MAPKBP1: variants seen among roughly 807,000 people sequenced by gnomAD.
MAPKBP1 encodes the protein mitogen-activated protein kinase binding protein 1.
In MAPKBP1, 71 loss-of-function variants were observed where a neutral mutation model predicts 170.5. The ratio of observed to expected loss-of-function variants is 0.42; its 90% CI spans 0.34 to 0.51. The LOEUF (loss-of-function observed/expected upper bound fraction) is 0.51, where lower values mean the gene tolerates loss of function less well. Ranked by LOEUF, MAPKBP1 falls within the 20% of genes least tolerant of loss-of-function variation. The pLI, the probability that MAPKBP1 is intolerant of heterozygous loss-of-function variation, is 0.06. For synonymous variants in MAPKBP1, 719 were observed against 757.9 expected (o/e 0.95, Z 0.84); for missense variants, 1,598 against 1,933.0 (o/e 0.83, Z 3.25).
chr15:41,779,934 T>A (rs2064156798), intron 2 of MAPKBP1, among the ~76,000 whole-genome samples: 3 of 152,220 alleles, frequency 2.0e-5, no homozygotes, highest in Admixed American at 1.3e-4. Context: ...CCTAGTTTTG[T>A]TTCTTTGATC....
At chr15:41,797,139 C>G (rs1243507074) in intron 2 of MAPKBP1, among the ~76,000 whole-genome samples, 3 of 152,122 alleles carry the variant, frequency 2.0e-5, no homozygotes, top group Admixed American at 2.0e-4. Context: ...AGAATTAATT[C>G]TCTTTGGAAT....
chr15:41,814,486 T>A lies in MAPKBP1; in HGVS notation c.981-64T>A. The stretch of plus-strand genomic sequence containing the variant: ...GCTCCTCACACACTGCTCCTTCCAT[T>A]GTGGATTGGCTTCTCTTTTCATTCC... On this transcript the variant is annotated intron_variant, in intron 9 of 30. Transcript: ENST00000457542. 7 of 1,514,162 alleles carry A rather than the reference T, an allele frequency of 4.6e-6. No individual in the cohort carries two copies. In the Admixed American group the frequency reaches 5.5e-5, roughly 12 times the overall value. The allele number at this position is 1,514,162 out of a possible 1,614,324, so 93.8% of individuals were successfully genotyped here.
In MAPKBP1 at chr15:41,774,564, A is replaced by C. The variant is rs2064062346; in HGVS notation, c.-156A>C. 2 of 398,688 alleles carry C rather than the reference A, an allele frequency of 5.0e-6. No homozygotes were observed. The highest frequency in any genetic ancestry group is 8.8e-6 in the Non-Finnish European group (2 of 226,108). 24.7% of individuals were successfully genotyped at this position (398,688 alleles called of 1,614,324 possible). Reference sequence around the variant, plus strand: ...GGCGGAGCTGAAATTGCCGAACGCGATGCCCGAGGGCGCTGTGAGCGGGGT... The same window carrying C: ...GGCGGAGCTGAAATTGCCGAACGCGCTGCCCGAGGGCGCTGTGAGCGGGGT... On this transcript the variant is annotated 5_prime_UTR_variant, in exon 1 of 31. An upstream start codon of the reference 5' UTR is lost. Coordinates refer to ENST00000457542, the MANE Select transcript of MAPKBP1 (RefSeq NM_014994.3).
rs753834647 is a variant in MAPKBP1 at position 41,819,238 on chromosome 15, G to A, written c.2292-8G>A. On this transcript the variant is annotated splice_region_variant and splice_polypyrimidine_tract_variant and intron_variant, in intron 20 of 30. Coordinates refer to ENST00000457542, the MANE Select transcript of MAPKBP1 (RefSeq NM_014994.3). ...CTCTCCCCATGCCCTTCCTTGTCTC[G>A]GACTCAGGCACCAGGCCCCATCAAT... 3.7e-6 allele frequency: 6 copies of A among 1,612,630 alleles called. No individual in the cohort carries two copies. Among genetic ancestry groups the A allele is most frequent in the South Asian group, 3.3e-5 (3 of 91,022 alleles).
intron 27 of MAPKBP1, 121 bp from the exon 28 acceptor site, chr15:41,822,818 A>C: frequency 6.8e-7 from 1 of 1,472,318 alleles, no homozygotes; most frequent in African/African-American, 1.4e-5. Flanking sequence ...GCCTTTCCCC[A>C]GCCCTATCTG....
intron 5 of MAPKBP1, 83 bp downstream of exon 5, chr15:41,811,318 G>C: frequency 6.7e-7 from 1 of 1,495,874 alleles, no homozygotes; most frequent in Non-Finnish European, 9.3e-7. Context: ...TAGGCCTGCT[G>C]TCACTTTGGC....
intron 2 of MAPKBP1, among the ~76,000 whole-genome samples, chr15:41,778,759 A>G (rs181519335): frequency 5.8e-4 from 89 of 152,268 alleles, no homozygotes; most frequent in African/African-American, 2.1e-3. Flanking sequence ...TTTCTGAAAG[A>G]TTTTTATGTG....
intron 2 of MAPKBP1, among the ~76,000 whole-genome samples, chr15:41,796,937 G>T (rs558318944): frequency 7.9e-5 from 12 of 152,256 alleles, no homozygotes; most frequent in Admixed American, 3.3e-4. Flanking sequence ...ATAGAAAATA[G>T]AGTATATTGT....
chr15:41,814,684 A>G lies in MAPKBP1; in HGVS notation c.1115A>G (p.Lys372Arg). ...GTTTGGGATGTGAGGGACCCCAAGA[A>G]AGTGGGCAAGGTGTACTCGGCTCTG... ...IYVWDVRDPK[K>R]VGKVYSALYH... Residue 372 changes from lysine to arginine, a missense_variant, in exon 10 of 31, where the codon AAA becomes AGA. Coordinates refer to ENST00000457542, the MANE Select transcript of MAPKBP1 (RefSeq NM_014994.3). 6.2e-7 allele frequency: 1 copy of G among 1,614,218 alleles called. No individual in the cohort carries two copies. Among genetic ancestry groups the G allele is most frequent in the South Asian group, 1.1e-5 (1 of 91,086 alleles).
At chr15:41,815,520 G>A (rs2064875405) in intron 11 of MAPKBP1, 104 bp from the exon 12 acceptor site, 1 of 1,552,398 alleles carries the variant, frequency 6.4e-7, no homozygotes, top group South Asian at 1.2e-5. Context: ...CCTTCATTTG[G>A]CTGTGCTCTG....
chr15:41,788,939 T>C (rs1392026898), intron 2 of MAPKBP1, among the ~76,000 whole-genome samples: 4 of 152,152 alleles, frequency 2.6e-5, no homozygotes, highest in Non-Finnish European at 5.9e-5. Context: ...TCCAGGAATG[T>C]GTTGAAGGCC....
Position 41,818,246 on chromosome 15 carries a change from ATC to A in MAPKBP1, c.2038_2039del (p.Ser680HisfsTer3), listed in dbSNP as rs953040239. The A allele has an allele frequency of 1.2e-6, 2 of 1,613,878 alleles. No individual in the cohort carries two copies. Among genetic ancestry groups the A allele is most frequent in the Admixed American group, 1.7e-5 (1 of 60,000 alleles). On this transcript the variant is annotated frameshift_variant, in exon 18 of 31. Transcript: ENST00000457542. LOFTEE classifies it high-confidence loss of function. The surrounding 1 kb of genome is among the most constrained non-coding windows in gnomAD (Gnocchi z 5.2). ...ATTGCCACCAGCTGTTCTGACAAGAATCTCTCCATTTTTGACTTCTCCTCAGG... is the reference window on the plus strand; with the variant it reads ...ATTGCCACCAGCTGTTCTGACAAGAATCTCCATTTTTGACTTCTCCTCAGG...
In MAPKBP1 at chr15:41,813,631, C is replaced by T; in HGVS notation, c.830C>T (p.Ala277Val). ...DKWVELRTTV[A>V]HCISVSQDYI... ...CCACTCTGCCCACAGACCACAGTGG[C>T]CCACTGCATCTCTGTGAGCCAAGAC... Residue 277 changes from alanine (A) to valine (V), a missense_variant, in exon 9 of 31, where the codon GCC becomes GTC. By Grantham distance (64) the Ala-to-Val change is moderately conservative (BLOSUM62 0). Coordinates refer to ENST00000457542, the MANE Select transcript of MAPKBP1 (RefSeq NM_014994.3). 1 of 1,613,908 alleles carries T rather than the reference C, an allele frequency of 6.2e-7. No individual in the cohort carries two copies. The highest frequency in any genetic ancestry group is 8.5e-7 in the Non-Finnish European group (1 of 1,179,920).
intron 1 of MAPKBP1, 44 bp downstream of exon 1, chr15:41,774,654 C>G (rs1035933772): frequency 2.5e-6 from 1 of 398,726 alleles, no homozygotes; most frequent in Non-Finnish European, 4.4e-6. Flanking sequence ...TAGCAGGGGC[C>G]TCAGAGGCGG....
intron 2 of MAPKBP1, among the ~76,000 whole-genome samples, chr15:41,793,360 G>A (rs925500959): frequency 6.6e-5 from 10 of 152,128 alleles, no homozygotes; most frequent in Admixed American, 3.9e-4. Context: ...GGTGGCATGT[G>A]CCTGTAGTAC....
rs991669586 is a variant in MAPKBP1, at chr15:41,817,821, G to A, written c.1904+86G>A. The stretch of plus-strand genomic sequence containing the variant: ...GTGCAGCTAAGTTCCCACATCTGTC[G>A]TTCTGTACAGGACTTTGTACCCCCT... On this transcript the variant is annotated intron_variant, in intron 16 of 30. Coordinates refer to ENST00000457542, the MANE Select transcript of MAPKBP1 (RefSeq NM_014994.3). This position sits in a 1 kb window ranked among gnomAD's most constrained non-coding sequence, Gnocchi z 4.2. 2.1e-5 allele frequency: 34 copies of A among 1,587,074 alleles called. No homozygotes were observed. The highest frequency in any genetic ancestry group is 6.8e-5 in the East Asian group (3 of 44,190).
At chr15:41,812,855 G>C in intron 7 of MAPKBP1, 64 bp from the exon 8 acceptor site, 2 of 1,530,686 alleles carry the variant, frequency 1.3e-6, no homozygotes, top group Non-Finnish European at 8.8e-7. Context: ...TACTCTCCTA[G>C]GGCCCAGTTT....
At position 41,825,576 on chromosome 15, in the gene MAPKBP1, G is replaced by GAGATCTACACTACT; in HGVS notation, c.*140_*141insAGATCTACACTACT. 1.5e-6 allele frequency: 1 copy of GAGATCTACACTACT among 657,718 alleles called. No homozygotes were observed. Among genetic ancestry groups the GAGATCTACACTACT allele is most frequent in the Non-Finnish European group, 2.5e-6 (1 of 399,316 alleles). 40.7% of individuals were successfully genotyped at this position (657,718 alleles called of 1,614,324 possible). ...CAGAGGCAAAGCAGCCTTCCCAGCC[G>GAGATCTACACTACT]CTCCTCGTGGGGGGCCTGTATTTAT... On this transcript the variant is annotated 3_prime_UTR_variant, in exon 31 of 31. Coordinates refer to ENST00000457542, the MANE Select transcript of MAPKBP1 (RefSeq NM_014994.3).
chr15:41,780,608 C>T (rs1289794752), intron 2 of MAPKBP1, among the ~76,000 whole-genome samples: 1 of 152,176 alleles, frequency 6.6e-6, no homozygotes, highest in African/African-American at 2.4e-5. Flanking sequence ...AGCGTCTCCT[C>T]TGGGCTCCAT....
Sources: allele counts gnomAD v4.1 joint callset (sites outside exome capture counted in the v4.1 genomes callset), GRCh38; gene constraint gnomAD v4.1.1; non-coding constraint Gnocchi (gnomAD v3.1); transcripts MANE v1.5; gene names NCBI Gene and HGNC (gene_info 2026-07-23, HGNC 2026-07-21).